Variants in SLC25A24 observed in about 807,000 individuals in gnomAD.
SLC25A24 encodes the protein mitochondrial adenyl nucleotide antiporter SLC25A24.
In SLC25A24, 49 loss-of-function variants were observed where a neutral mutation model predicts 60.7. The observed-to-expected ratio is 0.81, with a 90% CI of 0.64 to 1.02. The LOEUF (loss-of-function observed/expected upper bound fraction) is 1.02. Among genes scored for constraint, SLC25A24 ranks in the 50% least tolerant of loss-of-function variants. SLC25A24 has a pLI of 0.00. For missense variants in SLC25A24, 564 were observed against 586.3 expected, an observed-to-expected ratio of 0.96 and a Z score of 0.39; for synonymous variants, 202 against 200.6, an observed-to-expected ratio of 1.01 and a Z score of -0.06.
At chr1:108,149,276 G>A (rs1355150497) in intron 6 of SLC25A24, among the ~76,000 whole-genome samples, 1 of 152,158 alleles carries the variant, frequency 6.6e-6, no homozygotes, top group East Asian at 1.9e-4. Context: ...ATAGCTAACT[G>A]GACCAAGGGT....
chr1:108,199,576 A>C, intron 1 of SLC25A24: 2 of 355,490 alleles, frequency 5.6e-6, no homozygotes, highest in Non-Finnish European at 1.0e-5. Context: ...CCTTTATACA[A>C]AACTTGGGAC....
intron 3 of SLC25A24, among the ~76,000 whole-genome samples, chr1:108,165,622 CTTTT>C (rs971664768): frequency 6.6e-6 from 1 of 151,976 alleles, no homozygotes; most frequent in Non-Finnish European, 1.5e-5. Context: ...CAACCCCTGT[CTTTT>C]TTTGTTTTCC....
chr1:108,169,541 TC>T (rs1464497986), intron 3 of SLC25A24, among the ~76,000 whole-genome samples: 1 of 152,214 alleles, frequency 6.6e-6, no homozygotes, highest in Non-Finnish European at 1.5e-5. Flanking sequence ...TACATATAAG[TC>T]ATAGGTATCT....
intron 9 of SLC25A24, among the ~76,000 whole-genome samples, chr1:108,137,105 A>C (rs950844540): frequency 6.6e-6 from 1 of 152,160 alleles, no homozygotes; most frequent in African/African-American, 2.4e-5. Context: ...CAATCTTGCA[A>C]GGTAAATGTT....
chr1:108,137,034 G>A (rs1487833067), intron 9 of SLC25A24, among the ~76,000 whole-genome samples, 197 bp from the exon 10 acceptor site: 1 of 152,014 alleles, frequency 6.6e-6, no homozygotes, highest in East Asian at 1.9e-4. Context: ...TAGTAATGAT[G>A]GTAATAATAG....
At chr1:108,161,066 A>G (rs1680064700) in intron 4 of SLC25A24, 116 bp downstream of exon 4, 2 of 604,974 alleles carry the variant, frequency 3.3e-6, no homozygotes, top group Admixed American at 3.3e-5. Flanking sequence ...CTACAGGTTA[A>G]GGAGCTACTG....
intron 3 of SLC25A24, among the ~76,000 whole-genome samples, chr1:108,172,153 T>C (rs898431516): frequency 2.0e-4 from 30 of 152,198 alleles, no homozygotes; most frequent in Non-Finnish European, 3.2e-4. Context: ...AAGATAATTA[T>C]GACATATGTG....
At chr1:108,174,690 C>T (rs1336611883) in intron 3 of SLC25A24, among the ~76,000 whole-genome samples, 1 of 152,158 alleles carries the variant, frequency 6.6e-6, no homozygotes, top group Non-Finnish European at 1.5e-5. Flanking sequence ...TGAAAAGAGC[C>T]AGAAGGGGGT....
chr1:108,197,173 T>C (rs1648521922), intron 1 of SLC25A24, among the ~76,000 whole-genome samples: 1 of 152,220 alleles, frequency 6.6e-6, no homozygotes, highest in Non-Finnish European at 1.5e-5. Context: ...CTTGAATTCT[T>C]TTCTCTTCCC....
intron 1 of SLC25A24, among the ~76,000 whole-genome samples, chr1:108,187,927 G>GATAGATAGATATATATATATACATATAT: frequency 1.0e-5 from 1 of 95,748 alleles, no homozygotes; most frequent in African/African-American, 4.2e-5. Flanking sequence ...AGACATTATA[G>GATAGATAGATATATATATATACATATAT]ATATATATAT....
chr1:108,137,217 G>GA (rs1679315338), intron 9 of SLC25A24, among the ~76,000 whole-genome samples: 1 of 152,166 alleles, frequency 6.6e-6, no homozygotes, highest in South Asian at 2.1e-4. Context: ...CCAATGGTCT[G>GA]ACTCTAAAGC....
At chr1:108,165,497 T>C (rs1054022591) in intron 3 of SLC25A24, among the ~76,000 whole-genome samples, 19 of 152,252 alleles carry the variant, frequency 1.2e-4, no homozygotes, top group African/African-American at 4.6e-4. Context: ...TGCATATATA[T>C]TTAGGATAGT....
intron 6 of SLC25A24, among the ~76,000 whole-genome samples, chr1:108,149,424 G>T (rs1332470025): frequency 1.3e-5 from 2 of 152,150 alleles, no homozygotes; most frequent in African/African-American, 4.8e-5. Context: ...CCACATTGTG[G>T]TTTCCTTGTC....
chr1:108,184,561 GC>G (rs970778290), intron 2 of SLC25A24, among the ~76,000 whole-genome samples: 1 of 152,154 alleles, frequency 6.6e-6, no homozygotes, highest in African/African-American at 2.4e-5. Context: ...GAAGGAACTT[GC>G]TTTGAATTAA....
chr1:108,166,480 G>A (rs1467141286), intron 3 of SLC25A24, among the ~76,000 whole-genome samples: 6 of 152,120 alleles, frequency 3.9e-5, no homozygotes, highest in Non-Finnish European at 8.8e-5. Context: ...TTTCTTGGAG[G>A]CTTTGCTCGT....
intron 6 of SLC25A24, among the ~76,000 whole-genome samples, chr1:108,154,477 A>G (rs977389163): frequency 2.6e-5 from 4 of 152,210 alleles, no homozygotes; most frequent in Non-Finnish European, 4.4e-5. Flanking sequence ...TCATTGACTC[A>G]TTCAACACTC....
intron 8 of SLC25A24, 74 bp downstream of exon 8, chr1:108,143,469 A>C: frequency 8.0e-7 from 1 of 1,253,420 alleles, no homozygotes; most frequent in Non-Finnish European, 1.1e-6. Flanking sequence ...GTATATATCT[A>C]CTTCTTCATA....
rs569310080 is a variant in SLC25A24, at chr1:108,144,126, T to C, written c.931-416A>G. Among the ~76,000 whole-genome samples, 5 of 152,040 alleles carry C rather than the reference T, an allele frequency of 3.3e-5. No individual in the cohort carries two copies. In the East Asian group the frequency reaches 9.7e-4, roughly 29 times the overall value. On this transcript the variant is annotated intron_variant, in intron 7 of 9. Transcript: ENST00000565488. ...GATATGGAGGATATGAGAGGAAAAA[T>C]AGGTATTAAGTTTTTTTGAGAGGTG...
At chr1:108,159,677 C>A (rs371393588) in intron 4 of SLC25A24, among the ~76,000 whole-genome samples, 19 of 151,912 alleles carry the variant, frequency 1.3e-4, no homozygotes, top group Middle Eastern at 6.8e-3. Context: ...CTTAACGAGC[C>A]TGCTGCCTTC....
Sources: allele counts gnomAD v4.1 joint callset (sites outside exome capture counted in the v4.1 genomes callset), GRCh38; gene constraint gnomAD v4.1.1; transcripts MANE v1.5; gene names NCBI Gene and HGNC (gene_info 2026-07-23, HGNC 2026-07-21).